The following KLHL32 variants were observed in gnomAD, a reference collection of about 807,000 sequenced individuals.
KLHL32 encodes the protein kelch like family member 32, also known as kelch-like protein 32.
A neutral mutation model predicts 64.8 loss-of-function variants in KLHL32; 35 were observed. The observed-to-expected ratio is 0.54, with a 90% CI of 0.41 to 0.72. The LOEUF is 0.72. KLHL32 is among the 30% of genes least tolerant of loss of function. The pLI, the probability that KLHL32 is intolerant of heterozygous loss-of-function variation, is 0.00. For missense variants in KLHL32, 589 were observed against 768.5 expected, an observed-to-expected ratio of 0.77 and a Z score of 2.76; for synonymous variants, 259 against 281.0, an observed-to-expected ratio of 0.92 and a Z score of 0.78.
rs200790057 is a variant in KLHL32, at chr6:96,987,932, C to T, written c.204+11755C>T. Among the ~76,000 whole-genome samples the T allele has an allele frequency of 9.8e-5, 15 of 152,304 alleles. No individual in the cohort carries two copies. The East Asian group carries it at 2.3e-3, about 24-fold the overall frequency. ...AAGCTGAAACTGGATCCCTTCCTTA[C>T]ACCTTATACAAAAATTAATTCAAGA... On this transcript the variant is annotated intron_variant, in intron 3 of 10. Transcript: ENST00000369261.
intron 3 of KLHL32, among the ~76,000 whole-genome samples, chr6:97,004,804 T>C (rs1243418965): frequency 6.6e-6 from 1 of 152,190 alleles, no homozygotes; most frequent in East Asian, 1.9e-4. Flanking sequence ...TGAACCAACC[T>C]TGCTTCCCAA....
At chr6:97,048,658 T>C (rs181300873) in intron 4 of KLHL32, among the ~76,000 whole-genome samples, 1 of 152,288 alleles carries the variant, frequency 6.6e-6, no homozygotes, top group Non-Finnish European at 1.5e-5. Context: ...TGATGATCAT[T>C]GAAACTGTAT....
intron 1 of KLHL32, among the ~76,000 whole-genome samples, chr6:96,943,899 C>A (rs769235324): frequency 1.3e-5 from 2 of 152,194 alleles, no homozygotes; most frequent in Non-Finnish European, 2.9e-5. Context: ...ATTTAGCCAG[C>A]TTCTTCAGAT....
chr6:96,902,478 C>T, the KLHL32 span, among the ~76,000 whole-genome samples: 2 of 151,974 alleles, frequency 1.3e-5, no homozygotes, highest in East Asian at 1.9e-4. Flanking sequence ...TGTTTATAGG[C>T]GTTGCATATT....
At chr6:97,065,245 A>G (rs1453466868) in intron 5 of KLHL32, among the ~76,000 whole-genome samples, 1 of 152,190 alleles carries the variant, frequency 6.6e-6, no homozygotes, top group Non-Finnish European at 1.5e-5. Flanking sequence ...TGGTCAGGAA[A>G]GGCCCCATGA....
intron 3 of KLHL32, among the ~76,000 whole-genome samples, chr6:96,997,982 C>G (rs1778599330): frequency 6.6e-6 from 1 of 152,098 alleles, no homozygotes; most frequent in Admixed American, 6.5e-5. Flanking sequence ...TCTCAGAAAT[C>G]ACATGTAGTG....
At chr6:97,069,268 T>G (rs1227456552) in intron 5 of KLHL32, among the ~76,000 whole-genome samples, 1 of 152,196 alleles carries the variant, frequency 6.6e-6, no homozygotes, top group African/African-American at 2.4e-5. Context: ...GCATCCCTTG[T>G]CTTCGTTAAA....
chr6:97,114,888 C>G (rs1797658939), intron 7 of KLHL32, among the ~76,000 whole-genome samples: 1 of 152,168 alleles, frequency 6.6e-6, no homozygotes, highest in South Asian at 2.1e-4. Context: ...AGAGCCATTT[C>G]ATCAAAGACA....
chr6:97,075,074 A>C (rs754749550), intron 5 of KLHL32, among the ~76,000 whole-genome samples: 1 of 152,058 alleles, frequency 6.6e-6, no homozygotes, highest in East Asian at 1.9e-4. Context: ...GAACAATATA[A>C]AATTATTCAT....
intron 3 of KLHL32, among the ~76,000 whole-genome samples, chr6:96,988,068 A>G (rs1452091029): frequency 6.6e-6 from 1 of 152,218 alleles, no homozygotes; most frequent in East Asian, 1.9e-4. Context: ...CTAAAACACC[A>G]AAAGCAATGG....
intron 1 of KLHL32, among the ~76,000 whole-genome samples, chr6:96,960,923 A>G (rs1363591101): frequency 1.3e-5 from 2 of 152,194 alleles, no homozygotes; most frequent in African/African-American, 4.8e-5. Context: ...GGTTAAGGTA[A>G]GGGGTTGTGG....
At chr6:97,134,924 C>T (rs1287865285) in intron 10 of KLHL32, among the ~76,000 whole-genome samples, 1 of 152,156 alleles carries the variant, frequency 6.6e-6, no homozygotes, top group Non-Finnish European at 1.5e-5. Flanking sequence ...TAAATGATCA[C>T]TAATCATATA....
At chr6:97,118,357 G>A (rs925207190) in intron 7 of KLHL32, among the ~76,000 whole-genome samples, 6 of 152,130 alleles carry the variant, frequency 3.9e-5, no homozygotes, top group South Asian at 2.1e-4. Flanking sequence ...AGTGGCTCAC[G>A]CCAGTAATCC....
At chr6:96,959,424 A>G (rs886526212) in intron 1 of KLHL32, among the ~76,000 whole-genome samples, 2 of 152,204 alleles carry the variant, frequency 1.3e-5, no homozygotes, top group African/African-American at 4.8e-5. Context: ...TCTGAGATCA[A>G]GGTGTTAACA....
At chr6:96,948,232 T>A (rs2128006721) in intron 1 of KLHL32, among the ~76,000 whole-genome samples, 1 of 152,306 alleles carries the variant, frequency 6.6e-6, no homozygotes, top group Admixed American at 6.5e-5. Flanking sequence ...CAGACTTACC[T>A]GGATTCTAAT....
At chr6:97,032,546 T>C (rs1783708537) in intron 3 of KLHL32, among the ~76,000 whole-genome samples, 1 of 152,186 alleles carries the variant, frequency 6.6e-6, no homozygotes, top group African/African-American at 2.4e-5. Flanking sequence ...TTTTTAACCT[T>C]TGTTCTCAGG....
chr6:97,094,561 C>A (rs890919941), intron 6 of KLHL32, among the ~76,000 whole-genome samples: 1 of 152,074 alleles, frequency 6.6e-6, no homozygotes, highest in African/African-American at 2.4e-5. Flanking sequence ...TGGTGAGGAT[C>A]CACCCTTTCC....
chr6:96,977,081 T>C (rs1775784239), intron 3 of KLHL32, among the ~76,000 whole-genome samples: 1 of 152,192 alleles, frequency 6.6e-6, no homozygotes, highest in African/African-American at 2.4e-5. Context: ...TTCTTGAAGA[T>C]GAAAGTACAT....
chr6:96,974,727 A>G (rs1188552178), intron 2 of KLHL32, among the ~76,000 whole-genome samples: 2 of 152,220 alleles, frequency 1.3e-5, no homozygotes, highest in Non-Finnish European at 2.9e-5. Context: ...CCTAACTGTA[A>G]TTTACCAGCC....
Sources: gnomAD v4.1 joint callset for allele counts (sites outside exome capture counted in the v4.1 genomes callset) on GRCh38, gnomAD v4.1.1 for gene constraint, MANE v1.5 for transcripts, NCBI Gene and HGNC (gene_info 2026-07-23, HGNC 2026-07-21) for gene names.